The following SKAP2 variants were observed in gnomAD, a reference collection of about 807,000 sequenced individuals.
SKAP2 encodes src kinase associated phosphoprotein 2, also known as src kinase-associated phosphoprotein 2.
In SKAP2, 28 loss-of-function variants were observed where a neutral mutation model predicts 54.9. The ratio of observed to expected loss-of-function variants is 0.51; its 90% confidence interval spans 0.38 to 0.70. SKAP2 has a LOEUF of 0.70. Ranked by LOEUF, SKAP2 falls within the 30% of genes least tolerant of loss-of-function variation. The pLI, the probability that SKAP2 is intolerant of heterozygous loss-of-function variation, is 0.00. For synonymous variants in SKAP2, 137 were observed against 134.3 expected (o/e 1.02, Z -0.14); for missense variants, 356 against 424.1 (o/e 0.84, Z 1.41).
chr7:26,752,449 C>T (rs1306791816), intron 4 of SKAP2, among the ~76,000 whole-genome samples: 1 of 152,088 alleles, frequency 6.6e-6, no homozygotes. Context: ...CTACAGAATA[C>T]AAAACGAGGA....
chr7:26,827,697 T>C (rs1584413439), intron 4 of SKAP2, among the ~76,000 whole-genome samples: 1 of 152,132 alleles, frequency 6.6e-6, no homozygotes, highest in East Asian at 1.9e-4. Context: ...ACTATTTTTG[T>C]AAAAATAACA....
intron 9 of SKAP2, among the ~76,000 whole-genome samples, chr7:26,723,558 G>T (rs922631725): frequency 6.6e-6 from 1 of 151,978 alleles, no homozygotes; most frequent in African/African-American, 2.4e-5. Flanking sequence ...GGGTGAGGAG[G>T]GGGGCAAGGA....
intron 11 of SKAP2, among the ~76,000 whole-genome samples, chr7:26,683,227 T>A (rs1353010899): frequency 2.6e-5 from 4 of 152,234 alleles, no homozygotes; most frequent in Non-Finnish European, 5.9e-5. Flanking sequence ...CTGAAACTAA[T>A]CAGTTTGATT....
intron 9 of SKAP2, among the ~76,000 whole-genome samples, chr7:26,714,069 G>A (rs939024520): frequency 2.6e-5 from 4 of 152,134 alleles, no homozygotes; most frequent in African/African-American, 7.2e-5. Context: ...TGAAGAAGCT[G>A]GTTTAGTTAA....
intron 4 of SKAP2, among the ~76,000 whole-genome samples, chr7:26,767,982 T>C (rs1783099641): frequency 6.6e-6 from 1 of 152,230 alleles, no homozygotes; most frequent in Admixed American, 6.5e-5. Context: ...TTAGGTCCAC[T>C]TGGTTCAGAG....
intron 9 of SKAP2, among the ~76,000 whole-genome samples, chr7:26,710,825 G>A (rs1195431479): frequency 3.3e-5 from 5 of 151,852 alleles, no homozygotes; most frequent in African/African-American, 4.8e-5. Context: ...ATTATTAACC[G>A]GTTTATAAAG....
intron 4 of SKAP2, among the ~76,000 whole-genome samples, chr7:26,802,940 C>G (rs1783947158): frequency 6.6e-6 from 1 of 152,082 alleles, no homozygotes; most frequent in Non-Finnish European, 1.5e-5. Context: ...AACTAGACCC[C>G]TATCTCTCAC....
chr7:26,771,741 T>C (rs1783194608), intron 4 of SKAP2, among the ~76,000 whole-genome samples: 1 of 152,146 alleles, frequency 6.6e-6, no homozygotes, highest in African/African-American at 2.4e-5. Flanking sequence ...AAACAATAAC[T>C]ATTGTGTATA....
intron 9 of SKAP2, among the ~76,000 whole-genome samples, chr7:26,691,557 C>T (rs1423031723): frequency 6.6e-6 from 1 of 152,078 alleles, no homozygotes; most frequent in Admixed American, 6.6e-5. Context: ...AGAGATCTAC[C>T]AAGGAGGTAA....
intron 11 of SKAP2, among the ~76,000 whole-genome samples, chr7:26,676,355 G>T (rs1786349375): frequency 6.6e-6 from 1 of 152,150 alleles, no homozygotes; most frequent in Non-Finnish European, 1.5e-5. Context: ...ATGATTAAAA[G>T]AAATTACTAG....
chr7:26,693,784 T>C (rs1322833197), intron 9 of SKAP2, among the ~76,000 whole-genome samples: 2 of 152,184 alleles, frequency 1.3e-5, no homozygotes, highest in Admixed American at 6.5e-5. Context: ...TCAATTTTTC[T>C]TAACAATATT....
chr7:26,716,138 T>C lies in SKAP2; in HGVS notation c.796+9290A>G, dbSNP rs370227758. On this transcript the variant is annotated intron_variant, in intron 9 of 12. Transcript: ENST00000345317. ...TTCTCTACTATGCAATGTTACTTTA[T>C]ATCTTTTTGATAGATTATTAATTTT... is the stretch of plus-strand genomic sequence containing the variant. Among the ~76,000 whole-genome samples, 16 of 152,342 alleles carry C rather than the reference T, an allele frequency of 1.1e-4. No homozygotes were observed. The East Asian group carries it at 2.3e-3, about 22-fold the overall frequency.
intron 11 of SKAP2, among the ~76,000 whole-genome samples, chr7:26,679,471 C>T (rs1418012043): frequency 6.6e-6 from 1 of 152,158 alleles, no homozygotes; most frequent in African/African-American, 2.4e-5. Context: ...CTAGACCATA[C>T]ATCCATACTG....
chr7:26,767,234 A>T (rs1783079216), intron 4 of SKAP2, among the ~76,000 whole-genome samples: 1 of 152,112 alleles, frequency 6.6e-6, no homozygotes, highest in Non-Finnish European at 1.5e-5. Flanking sequence ...AATTTCTTCT[A>T]CATTTTCTAG....
chr7:26,788,468 T>C (rs1783604998), intron 4 of SKAP2, among the ~76,000 whole-genome samples: 1 of 152,172 alleles, frequency 6.6e-6, no homozygotes, highest in Non-Finnish European at 1.5e-5. Context: ...AATAATTAGC[T>C]TATTTTTCTT....
At chr7:26,813,122 A>T (rs115453073) in intron 4 of SKAP2, among the ~76,000 whole-genome samples, 32,141 of 151,852 alleles carry the variant, frequency 0.21, 3,457 homozygotes, top group Non-Finnish European at 0.24. Context: ...AATTTTTTTA[A>T]AAATTATTAG....
chr7:26,671,239 A>AT (rs1786230844), intron 11 of SKAP2, among the ~76,000 whole-genome samples: 1 of 152,128 alleles, frequency 6.6e-6, no homozygotes, highest in East Asian at 1.9e-4. Context: ...CTTCACAAGC[A>AT]TTGTAGTGCT....
At chr7:26,764,811 A>G (rs1435733297) in intron 4 of SKAP2, among the ~76,000 whole-genome samples, 1 of 152,120 alleles carries the variant, frequency 6.6e-6, no homozygotes, top group Non-Finnish European at 1.5e-5. Context: ...TCGGCCTCCC[A>G]AAGTGCTGGG....
chr7:26,845,039 C>T (rs1562633230), intron 3 of SKAP2, among the ~76,000 whole-genome samples: 1 of 152,072 alleles, frequency 6.6e-6, no homozygotes, highest in African/African-American at 2.4e-5. Flanking sequence ...CCGGATTTCA[C>T]AACAAAGAAA....
Sources: allele counts gnomAD v4.1 joint callset (sites outside exome capture counted in the v4.1 genomes callset), GRCh38; gene constraint gnomAD v4.1.1; transcripts MANE v1.5; gene names NCBI Gene and HGNC (gene_info 2026-07-23, HGNC 2026-07-21).